MOXD1: variants seen among roughly 807,000 people sequenced by gnomAD.
The protein encoded by MOXD1 is monooxygenase DBH like 1.
Under a neutral mutation model 66.6 loss-of-function variants are expected in MOXD1, and 62 were observed. That is an observed-to-expected ratio of 0.93 (90% CI 0.76 to 1.15). MOXD1 has a LOEUF of 1.15. Among genes scored for constraint, MOXD1 ranks in the 50% most tolerant of loss-of-function variants. The pLI is 0.00. For missense variants in MOXD1, 847 were observed against 754.6 expected (o/e 1.12, Z -1.44); for synonymous variants, 303 against 281.9 (o/e 1.07, Z -0.75).
At chr6:132,387,256 T>C (rs945004048) in intron 1 of MOXD1, among the ~76,000 whole-genome samples, 2 of 151,484 alleles carry the variant, frequency 1.3e-5, no homozygotes, top group Non-Finnish European at 3.0e-5. Flanking sequence ...TAATACAATA[T>C]AGCTAATACG....
At chr6:132,312,743 C>G (rs914530826) in intron 10 of MOXD1, among the ~76,000 whole-genome samples, 2 of 150,936 alleles carry the variant, frequency 1.3e-5, no homozygotes, top group Non-Finnish European at 2.9e-5. Context: ...GGTATGGACA[C>G]TGGTGGAGCT....
At chr6:132,322,221 G>A (rs1038687404) in intron 8 of MOXD1, among the ~76,000 whole-genome samples, 5 of 152,124 alleles carry the variant, frequency 3.3e-5, no homozygotes, top group African/African-American at 1.2e-4. Flanking sequence ...AGTTTAATTA[G>A]CTATATTCAC....
chr6:132,334,064 C>T (rs1053386388), intron 4 of MOXD1, among the ~76,000 whole-genome samples: 5 of 152,168 alleles, frequency 3.3e-5, no homozygotes, highest in African/African-American at 4.8e-5. Context: ...TGACAACGAC[C>T]GTTTTTCCTA....
chr6:132,383,668 T>A (rs770402344), intron 1 of MOXD1, among the ~76,000 whole-genome samples: 2 of 152,186 alleles, frequency 1.3e-5, no homozygotes, highest in Non-Finnish European at 2.9e-5. Context: ...AAATTTTGAC[T>A]CTTTATTTGG....
At chr6:132,363,906 G>A (rs1204265208) in intron 4 of MOXD1, among the ~76,000 whole-genome samples, 1 of 151,840 alleles carries the variant, frequency 6.6e-6, no homozygotes, top group Non-Finnish European at 1.5e-5. Context: ...ATAAAGTGCT[G>A]TTAATTAAAT....
intron 2 of MOXD1, among the ~76,000 whole-genome samples, chr6:132,373,259 T>C (rs571293691): frequency 6.6e-6 from 1 of 152,328 alleles, no homozygotes; most frequent in African/African-American, 2.4e-5. Flanking sequence ...TGAAGGACAA[T>C]TGACTCAGTA....
intron 5 of MOXD1, 133 bp downstream of exon 5, chr6:132,328,282 G>A (rs977966133): frequency 3.1e-6 from 4 of 1,275,888 alleles, no homozygotes; most frequent in Non-Finnish European, 3.2e-6. Flanking sequence ...CCCTTCCTAC[G>A]AAAATGGAGT....
intron 1 of MOXD1, among the ~76,000 whole-genome samples, chr6:132,394,451 A>G (rs916411923): frequency 6.6e-6 from 1 of 152,204 alleles, no homozygotes; most frequent in African/African-American, 2.4e-5. Context: ...ATTATCCAGC[A>G]ACAGATTCTC....
intron 4 of MOXD1, among the ~76,000 whole-genome samples, chr6:132,349,438 T>TATATATATAC (rs1582587433): frequency 1.4e-4 from 2 of 14,682 alleles, no homozygotes; most frequent in African/African-American, 8.6e-4. Flanking sequence ...TATATATACA[T>TATATATATAC]ATATATATAT....
intron 10 of MOXD1, among the ~76,000 whole-genome samples, chr6:132,304,547 C>T (rs1318605692): frequency 1.3e-5 from 2 of 152,176 alleles, no homozygotes; most frequent in African/African-American, 2.4e-5. Context: ...AGTAGAGGCT[C>T]CATCTATTCC....
intron 1 of MOXD1, 81 bp from the exon 2 acceptor site, chr6:132,374,858 C>T: frequency 1.5e-6 from 2 of 1,334,702 alleles, no homozygotes; most frequent in Non-Finnish European, 2.1e-6. Context: ...AAGACAAAGT[C>T]TTGTTGTCTA....
chr6:132,397,694 G>GAAAGAAAGA (rs1554239260), intron 1 of MOXD1, among the ~76,000 whole-genome samples: 1,388 of 117,280 alleles, frequency 0.012, 10 homozygotes, highest in Middle Eastern at 0.023. Context: ...AAGAAAGAAA[G>GAAAGAAAGA]AAAGAAAAAG....
At chr6:132,336,114 A>C (rs1228986240) in intron 4 of MOXD1, among the ~76,000 whole-genome samples, 2 of 152,158 alleles carry the variant, frequency 1.3e-5, no homozygotes, top group East Asian at 3.8e-4. Context: ...GGACGAGTGG[A>C]ACACAGCTCT....
chr6:132,371,169 T>C (rs1022227885), intron 4 of MOXD1, among the ~76,000 whole-genome samples: 22 of 152,174 alleles, frequency 1.4e-4, no homozygotes, highest in African/African-American at 5.3e-4. Context: ...TTAAATTTAC[T>C]GCAAATGACA....
At chr6:132,304,736 C>CA (rs1774647910) in intron 10 of MOXD1, among the ~76,000 whole-genome samples, 1 of 152,064 alleles carries the variant, frequency 6.6e-6, no homozygotes, top group South Asian at 2.1e-4. Flanking sequence ...AACCAATAAA[C>CA]ATGTGAAAGA....
chr6:132,353,375 G>A (rs1443995835), intron 4 of MOXD1, among the ~76,000 whole-genome samples: 2 of 152,112 alleles, frequency 1.3e-5, no homozygotes, highest in African/African-American at 4.8e-5. Context: ...AATTCTCTCA[G>A]CATTTGTTTG....
intron 10 of MOXD1, among the ~76,000 whole-genome samples, chr6:132,307,691 C>T (rs111811337): frequency 0.06 from 9,086 of 152,220 alleles, 331 homozygotes; most frequent in African/African-American, 0.078. Flanking sequence ...ACAGTGCAGT[C>T]AAATTAGAAC....
chr6:132,380,349 G>C (rs1405429109), intron 1 of MOXD1, among the ~76,000 whole-genome samples: 1 of 152,088 alleles, frequency 6.6e-6, no homozygotes, highest in Non-Finnish European at 1.5e-5. Flanking sequence ...CTCACCACGG[G>C]ACCTGTACTA....
chr6:132,348,802 T>C (rs1056442566), intron 4 of MOXD1, among the ~76,000 whole-genome samples: 9 of 152,078 alleles, frequency 5.9e-5, no homozygotes, highest in African/African-American at 2.2e-4. Context: ...ATAAATCAAG[T>C]TATGATAATG....
Sources: allele counts gnomAD v4.1 joint callset (sites outside exome capture counted in the v4.1 genomes callset), GRCh38; gene constraint gnomAD v4.1.1; transcripts MANE v1.5; gene names NCBI Gene and HGNC (gene_info 2026-07-23, HGNC 2026-07-21).